Variants in UNC5D observed in about 807,000 individuals in gnomAD.
UNC5D encodes the protein netrin receptor UNC5D.
Under a neutral mutation model 105.4 loss-of-function variants are expected in UNC5D, and 39 were observed. The observed-to-expected ratio is 0.37, with a 90% CI of 0.29 to 0.48. UNC5D has a LOEUF of 0.48. Among genes scored for constraint, UNC5D ranks in the 20% least tolerant of loss-of-function variants. The pLI, the probability that UNC5D is intolerant of heterozygous loss-of-function variation, is 0.98. For synonymous variants in UNC5D, 452 were observed against 450.4 expected (o/e 1.00, Z -0.04); for missense variants, 991 against 1,202.4 (o/e 0.82, Z 2.60).
intron 1 of UNC5D, among the ~76,000 whole-genome samples, chr8:35,425,724 G>A (rs1806206259): frequency 6.6e-6 from 1 of 152,072 alleles, no homozygotes; most frequent in Admixed American, 6.6e-5. Flanking sequence ...ACCCTGCTCT[G>A]CCCTTCAGAG....
intron 1 of UNC5D, among the ~76,000 whole-genome samples, chr8:35,419,703 T>C (rs999030344): frequency 1.3e-5 from 2 of 152,138 alleles, no homozygotes; most frequent in Admixed American, 6.5e-5. Flanking sequence ...GTGGGGTATG[T>C]GGTGCCCAGC....
rs937102309 is a variant in UNC5D at position 35,379,537 on chromosome 8, G to C, written c.103+143650G>C. On this transcript the variant is annotated intron_variant, in intron 1 of 16. Transcript: ENST00000404895. ...CTTACGTCTGTGTGACTCTTTTCTA[G>C]AACAACTGCAGGCTCATTCCCTGCA... Among the ~76,000 whole-genome samples, 9 of 152,140 alleles carry C rather than the reference G, an allele frequency of 5.9e-5. No individual in the cohort carries two copies. The East Asian group carries it at 1.6e-3, about 26-fold the overall frequency.
At chr8:35,675,534 C>G (rs1825150306) in intron 4 of UNC5D, among the ~76,000 whole-genome samples, 1 of 152,060 alleles carries the variant, frequency 6.6e-6, no homozygotes, top group Non-Finnish European at 1.5e-5. Context: ...TGAACAACTC[C>G]ATTTGATACT....
In UNC5D at chr8:35,684,637, T is replaced by C. The variant is rs746374970; in HGVS notation, c.807T>C (p.Gly269=). The change falls in exon 6 of 17, where the codon GGT becomes GGC. Residue 269 remains glycine, a synonymous_variant. Coordinates refer to ENST00000404895, the MANE Select transcript of UNC5D (RefSeq NM_080872.4). The stretch of plus-strand genomic sequence containing the variant: ...GGTCAGCCTGCAATGTTCGCTGTGG[T>C]AGAGGATGGCAGAAACGTTCCCGGA... ...TEWSACNVRC[G]RGWQKRSRTC... is the part of the protein sequence containing the mutation. 1 of 1,613,596 alleles carries C rather than the reference T, an allele frequency of 6.2e-7. No homozygotes were observed. Among genetic ancestry groups the C allele is most frequent in the African/African-American group, 1.3e-5 (1 of 74,882 alleles).
intron 4 of UNC5D, among the ~76,000 whole-genome samples, chr8:35,629,888 A>G (rs1044594234): frequency 3.9e-5 from 6 of 152,208 alleles, no homozygotes; most frequent in African/African-American, 1.2e-4. Flanking sequence ...AGTTAATGGT[A>G]TGAGGCCTAG....
chr8:35,266,107 AT>A (rs1351289878), intron 1 of UNC5D, among the ~76,000 whole-genome samples: 1 of 151,930 alleles, frequency 6.6e-6, no homozygotes, highest in East Asian at 1.9e-4. Flanking sequence ...CAAACCTCTT[AT>A]TTTTTTCTTC....
Position 35,735,299 on chromosome 8 carries a change from T to G in UNC5D, c.1766+4203T>G, listed in dbSNP as rs565252603. ...GGACCAGAAAATTATTATATGGGGC[T>G]TTCTTCTGAAAAGCAATAAAATGAA... On this transcript the variant is annotated intron_variant, in intron 11 of 16. Transcript: ENST00000404895. 6.8e-4 allele frequency among the ~76,000 whole-genome samples: 99 copies of G among 146,090 alleles called. No homozygotes were observed. In the Middle Eastern group the frequency reaches 0.012, roughly 17 times the overall value.
intron 1 of UNC5D, among the ~76,000 whole-genome samples, chr8:35,343,220 G>C (rs1336421783): frequency 2.0e-5 from 3 of 151,966 alleles, no homozygotes; most frequent in Non-Finnish European, 4.4e-5. Context: ...CTGATCTGTC[G>C]AGCTCTCCTC....
chr8:35,661,390 T>C (rs1400999743), intron 4 of UNC5D, among the ~76,000 whole-genome samples: 1 of 152,158 alleles, frequency 6.6e-6, no homozygotes, highest in Non-Finnish European at 1.5e-5. Context: ...TCCTCTTTGT[T>C]TCTGGTTTCC....
At chr8:35,330,037 G>A (rs1400442591) in intron 1 of UNC5D, among the ~76,000 whole-genome samples, 1 of 152,126 alleles carries the variant, frequency 6.6e-6, no homozygotes, top group Admixed American at 6.6e-5. Context: ...ACTTACAAAG[G>A]AGAAAACTAA....
chr8:35,751,002 A>C (rs1830257190), intron 13 of UNC5D, among the ~76,000 whole-genome samples, 193 bp downstream of exon 13: 1 of 152,148 alleles, frequency 6.6e-6, no homozygotes, highest in Non-Finnish European at 1.5e-5. Context: ...TGCAATAAAG[A>C]GTTATTCACG....
intron 1 of UNC5D, among the ~76,000 whole-genome samples, chr8:35,388,102 G>A (rs551082138): frequency 3.9e-5 from 6 of 152,072 alleles, no homozygotes; most frequent in East Asian, 3.9e-4. Flanking sequence ...GGTGGGGTGC[G>A]GTGGCTCAAG....
intron 11 of UNC5D, among the ~76,000 whole-genome samples, chr8:35,743,973 A>G (rs1232374205): frequency 1.3e-5 from 2 of 152,210 alleles, no homozygotes; most frequent in East Asian, 3.8e-4. Context: ...TTATCTGAAT[A>G]ATGTCCTTGA....
At chr8:35,533,936 A>C (rs1048907721) in intron 1 of UNC5D, among the ~76,000 whole-genome samples, 1 of 151,978 alleles carries the variant, frequency 6.6e-6, no homozygotes, top group African/African-American at 2.4e-5. Flanking sequence ...ACTGGCCTGC[A>C]CCCACTGTCT....
At chr8:35,693,404 G>GT (rs1826541146) in intron 7 of UNC5D, among the ~76,000 whole-genome samples, 1 of 151,972 alleles carries the variant, frequency 6.6e-6, no homozygotes, top group African/African-American at 2.4e-5. Flanking sequence ...AAAGACATTT[G>GT]TTTTTTTGAA....
intron 1 of UNC5D, among the ~76,000 whole-genome samples, chr8:35,263,842 G>A (rs1030487056): frequency 2.6e-5 from 4 of 152,182 alleles, no homozygotes; most frequent in African/African-American, 7.2e-5. Context: ...CAAACTTCTA[G>A]CCTCTCACTT....
intron 1 of UNC5D, among the ~76,000 whole-genome samples, chr8:35,461,009 A>G (rs903724584): frequency 2.0e-5 from 3 of 152,302 alleles, no homozygotes; most frequent in South Asian, 2.1e-4. Context: ...TCATGTTTGC[A>G]TTTAGGCAAA....
intron 1 of UNC5D, among the ~76,000 whole-genome samples, chr8:35,268,174 T>G (rs1276998071): frequency 1.3e-5 from 2 of 152,168 alleles, no homozygotes; most frequent in African/African-American, 4.8e-5. Flanking sequence ...ATAACAAAAT[T>G]TTCAATGGTT....
At chr8:35,467,028 A>G (rs1312079145) in intron 1 of UNC5D, among the ~76,000 whole-genome samples, 2 of 152,202 alleles carry the variant, frequency 1.3e-5, no homozygotes, top group African/African-American at 4.8e-5. Context: ...TCTCCTAGAG[A>G]CTCTTTGACA....
Sources: gnomAD v4.1 joint callset for allele counts (sites outside exome capture counted in the v4.1 genomes callset) on GRCh38, gnomAD v4.1.1 for gene constraint, MANE v1.5 for transcripts, NCBI Gene and HGNC (gene_info 2026-07-23, HGNC 2026-07-21) for gene names.